PDE1C: variants seen among roughly 807,000 people sequenced by gnomAD.
The protein encoded by PDE1C is dual specificity calcium/calmodulin-dependent 3',5'-cyclic nucleotide phosphodiesterase 1C.
In PDE1C, 62 loss-of-function variants were observed where a neutral mutation model predicts 93.1. That is an observed-to-expected ratio of 0.67 (90% CI 0.54 to 0.82). The LOEUF (loss-of-function observed/expected upper bound fraction) is 0.82. PDE1C is among the 40% of genes least tolerant of loss of function. The pLI, the probability that PDE1C is intolerant of heterozygous loss-of-function variation, is 0.00. For synonymous variants in PDE1C, 325 were observed against 310.1 expected, an observed-to-expected ratio of 1.05 and a Z score of -0.50; for missense variants, 742 against 884.6, an observed-to-expected ratio of 0.84 and a Z score of 2.04.
chr7:31,875,239 A>C (rs572600738), intron 5 of PDE1C, among the ~76,000 whole-genome samples: 1 of 152,348 alleles, frequency 6.6e-6, no homozygotes, highest in African/African-American at 2.4e-5. Context: ...CCTAGTGTCC[A>C]GAAAGGAAAG....
chr7:31,623,103 C>T, the PDE1C span, among the ~76,000 whole-genome samples: 1 of 152,160 alleles, frequency 6.6e-6, no homozygotes, highest in Admixed American at 6.5e-5. Context: ...GAAATTGTGG[C>T]AATAATCAGT....
At position 32,008,906 on chromosome 7, in the gene PDE1C, G is replaced by A. The variant is rs1403907217; in HGVS notation, c.128+42648C>T. ...AATAGATATTAAAGGTCCAAATGAA[G>A]GGTTCAAAAATATTTTGATATCATA... On this transcript the variant is annotated intron_variant, in intron 2 of 17. Coordinates refer to ENST00000396191, the MANE Select transcript of PDE1C (RefSeq NM_001191057.4). Among the ~76,000 whole-genome samples the A allele has an allele frequency of 3.5e-5, 5 of 143,174 alleles. No homozygotes were observed. In the East Asian group the frequency reaches 1.0e-3, roughly 30 times the overall value. 93.9% of individuals were successfully genotyped at this position (143,174 alleles called of 152,430 possible).
chr7:32,096,998 AAAT>A (rs1176876266), intron 3 of PDE1C, among the ~76,000 whole-genome samples: 1 of 152,234 alleles, frequency 6.6e-6, no homozygotes, highest in East Asian at 1.9e-4. Flanking sequence ...GGTCCAGGCC[AAAT>A]GCCAGCAGGC....
chr7:32,378,312 A>G (rs1406543013), intron 1 of PDE1C, among the ~76,000 whole-genome samples: 1 of 152,156 alleles, frequency 6.6e-6, no homozygotes, highest in East Asian at 1.9e-4. Flanking sequence ...TAAAAATTGT[A>G]TCAGTAGATA....
intron 1 of PDE1C, among the ~76,000 whole-genome samples, chr7:32,395,856 T>A (rs1784831524): frequency 1.3e-5 from 1 of 74,752 alleles, no homozygotes; most frequent in African/African-American, 3.6e-5. Context: ...ACACTCCTGA[T>A]TGAACAATTC....
intron 2 of PDE1C, among the ~76,000 whole-genome samples, chr7:31,960,691 G>A (rs1005901983): frequency 6.6e-6 from 1 of 152,176 alleles, no homozygotes; most frequent in Non-Finnish European, 1.5e-5. Context: ...TCTGGGTGAA[G>A]AGTGTATAGG....
At chr7:32,164,051 A>G (rs1802074555) in intron 3 of PDE1C, among the ~76,000 whole-genome samples, 1 of 152,230 alleles carries the variant, frequency 6.6e-6, no homozygotes, top group Non-Finnish European at 1.5e-5. Flanking sequence ...GATTGTTTGC[A>G]AATTCATACT....
upstream of PDE1C, chr7:32,070,914 G>A: frequency 1.0e-6 from 1 of 985,294 alleles, no homozygotes; most frequent in Non-Finnish European, 1.2e-6. Flanking sequence ...TCCGCCCCGC[G>A]CCCAGCGCCC....
intron 2 of PDE1C, among the ~76,000 whole-genome samples, chr7:31,904,221 G>A (rs982553112): frequency 3.0e-4 from 46 of 152,178 alleles, no homozygotes; most frequent in African/African-American, 9.9e-4. Flanking sequence ...CTGGAATCCA[G>A]CCTGAATTGA....
intron 2 of PDE1C, among the ~76,000 whole-genome samples, chr7:32,193,365 T>C (rs1302593688): frequency 6.6e-6 from 1 of 152,208 alleles, no homozygotes; most frequent in African/African-American, 2.4e-5. Context: ...TGAATGAATA[T>C]TGAATGCTGT....
the PDE1C span, among the ~76,000 whole-genome samples, chr7:31,652,336 G>A: frequency 6.6e-6 from 1 of 152,078 alleles, no homozygotes; most frequent in Non-Finnish European, 1.5e-5. Flanking sequence ...AGAATCACAG[G>A]CACAGTGAAG....
At chr7:31,847,264 G>A (rs1414953962) in intron 9 of PDE1C, among the ~76,000 whole-genome samples, 4 of 152,122 alleles carry the variant, frequency 2.6e-5, no homozygotes, top group Admixed American at 6.6e-5. Flanking sequence ...TTTTAAAGAT[G>A]TAAAGATATT....
intron 3 of PDE1C, among the ~76,000 whole-genome samples, chr7:32,147,251 GA>G (rs750140403): frequency 2.3e-4 from 16 of 70,296 alleles, no homozygotes; most frequent in African/African-American, 4.7e-4. Flanking sequence ...AAGAAAGAAA[GA>G]AAAGAAAGAA....
In PDE1C at chr7:31,873,180, C is replaced by T. The variant is rs2302451; in HGVS notation, c.609+112G>A. ...GCTATCCGAAGGATGCTTCCTCAGT[C>T]GCCTGGAGCAGTTTTCATTCCGCAT... On this transcript the variant is annotated intron_variant, in intron 6 of 17. Coordinates refer to ENST00000396191, the MANE Select transcript of PDE1C (RefSeq NM_001191057.4). 62,715 of 651,890 alleles carry T rather than the reference C, an allele frequency of 0.096. 4,923 individuals carry two copies. Among genetic ancestry groups the T allele is most frequent in the Admixed American group, 0.25 (8,954 of 35,756 alleles). 40.4% of individuals were successfully genotyped at this position (651,890 alleles called of 1,614,324 possible). A position where few individuals can be genotyped will look rare whatever the true frequency, so the allele number is the denominator to read the frequency against.
chr7:32,012,336 T>C (rs987108424), intron 2 of PDE1C, among the ~76,000 whole-genome samples: 7 of 152,030 alleles, frequency 4.6e-5, no homozygotes, highest in African/African-American at 7.2e-5. Flanking sequence ...TACCAGACTG[T>C]TTTAAACAAC....
At chr7:32,281,786 A>G (rs138004692) in intron 1 of PDE1C, among the ~76,000 whole-genome samples, 2,696 of 152,328 alleles carry the variant, frequency 0.018, 93 homozygotes, top group African/African-American at 0.061. Context: ...ATGTCCATCA[A>G]TGATAGACTG....
intron 3 of PDE1C, among the ~76,000 whole-genome samples, chr7:32,122,977 A>G (rs1190924892): frequency 6.6e-6 from 1 of 152,198 alleles, no homozygotes; most frequent in Non-Finnish European, 1.5e-5. Flanking sequence ...TAGACTAATA[A>G]AGAAGAAAAG....
intron 2 of PDE1C, among the ~76,000 whole-genome samples, chr7:31,923,989 A>T (rs1480917177): frequency 6.6e-6 from 1 of 152,106 alleles, no homozygotes; most frequent in Non-Finnish European, 1.5e-5. Context: ...TCTATTCAAG[A>T]TCTCATTCCT....
chr7:32,398,270 G>A (rs1452678467), intron 1 of PDE1C, among the ~76,000 whole-genome samples: 7 of 145,126 alleles, frequency 4.8e-5, no homozygotes, highest in African/African-American at 7.6e-5. Context: ...CCGAGATTGC[G>A]CCAGCCTGGG....
Sources: gnomAD v4.1 joint callset for allele counts (sites outside exome capture counted in the v4.1 genomes callset) on GRCh38, gnomAD v4.1.1 for gene constraint, MANE v1.5 for transcripts, NCBI Gene and HGNC (gene_info 2026-07-23, HGNC 2026-07-21) for gene names.